COL22A1: variants seen among roughly 807,000 people sequenced by gnomAD.
COL22A1 encodes the protein collagen alpha-1(XXII) chain.
COL22A1 carries 221 observed loss-of-function variants against 248.9 expected under a neutral mutation model. The ratio of observed to expected loss-of-function variants is 0.89; its 90% CI spans 0.80 to 0.99. The LOEUF is 0.99. COL22A1 is among the 50% of genes least tolerant of loss of function. COL22A1 has a pLI of 0.00. For synonymous variants in COL22A1, 891 were observed against 793.4 expected (o/e 1.12, Z -2.07); for missense variants, 2,240 against 2,179.0 (o/e 1.03, Z -0.56).
At chr8:138,877,070 T>C (rs1040860261) in intron 3 of COL22A1, among the ~76,000 whole-genome samples, 29 of 152,060 alleles carry the variant, frequency 1.9e-4, no homozygotes, top group Admixed American at 2.6e-4. Flanking sequence ...AGGTCAGGCT[T>C]CCAGGTCAGA....
intron 3 of COL22A1, among the ~76,000 whole-genome samples, chr8:138,844,518 GAC>G (rs931666883): frequency 6.6e-6 from 1 of 152,174 alleles, no homozygotes; most frequent in Non-Finnish European, 1.5e-5. Context: ...GGGGGTTCAG[GAC>G]ACAGATACAA....
intron 21 of COL22A1, among the ~76,000 whole-genome samples, chr8:138,753,346 C>T (rs1243791179): frequency 6.6e-6 from 1 of 152,168 alleles, no homozygotes; most frequent in Non-Finnish European, 1.5e-5. Context: ...TACTGTTCTT[C>T]TCTTAATAAG....
intron 4 of COL22A1, among the ~76,000 whole-genome samples, chr8:138,836,936 G>A (rs996871110): frequency 3.9e-5 from 6 of 152,216 alleles, no homozygotes; most frequent in Admixed American, 6.5e-5. Flanking sequence ...TGCACACTGG[G>A]CATCTATTAT....
intron 63 of COL22A1, among the ~76,000 whole-genome samples, chr8:138,592,743 C>T (rs1371613173): frequency 6.6e-6 from 1 of 151,446 alleles, no homozygotes; most frequent in East Asian, 1.9e-4. Flanking sequence ...ATCGGTCGGA[C>T]AGGAGTGAAT....
At position 138,716,886 on chromosome 8, in the gene COL22A1, A is replaced by G. The variant is rs758552216; in HGVS notation, c.2356-17T>C. 6.3e-7 allele frequency: 1 copy of G among 1,597,696 alleles called. No homozygotes were observed. The highest frequency in any genetic ancestry group is 1.1e-5 in the South Asian group (1 of 90,760). On this transcript the variant is annotated splice_polypyrimidine_tract_variant and intron_variant, in intron 27 of 64. Transcript: ENST00000303045. ...AATTTCTCCCTGAAAATGCAATAAA[A>G]CATACCCCATTATTCTCCATTCACT... is the stretch of plus-strand genomic sequence containing the variant.
chr8:138,655,496 C>T (rs939880386), intron 45 of COL22A1, among the ~76,000 whole-genome samples: 3 of 152,016 alleles, frequency 2.0e-5, no homozygotes, highest in Admixed American at 2.0e-4. Context: ...GTCGCTGGGA[C>T]CACAGGCACA....
In COL22A1 at chr8:138,649,786, TGG is replaced by T; in HGVS notation, c.3334-10_3334-9del. ...GCAGTCATTGCACACATCCTGAGAG[TGG>T]GGAGAGAGGTGGGGACAAAGAGAGA... is the stretch of plus-strand genomic sequence containing the variant. On this transcript the variant is annotated splice_polypyrimidine_tract_variant and intron_variant, in intron 45 of 64. Transcript: ENST00000303045. 6.5e-7 allele frequency: 1 copy of T among 1,534,874 alleles called. No homozygotes were observed. Among genetic ancestry groups the T allele is most frequent in the Non-Finnish European group, 8.8e-7 (1 of 1,135,456 alleles).
chr8:138,612,020 C>G (rs1057509223), intron 56 of COL22A1, among the ~76,000 whole-genome samples: 2 of 152,174 alleles, frequency 1.3e-5, no homozygotes, highest in African/African-American at 4.8e-5. Context: ...AACATACAAG[C>G]TTTACAAAAG....
intron 23 of COL22A1, among the ~76,000 whole-genome samples, chr8:138,733,083 G>T (rs373126906): frequency 2.6e-5 from 4 of 152,270 alleles, no homozygotes; most frequent in African/African-American, 9.6e-5. Context: ...AGGGGTTTCT[G>T]CACAGAGGCC....
chr8:138,724,965 G>A (rs1214578164), intron 24 of COL22A1, among the ~76,000 whole-genome samples: 1 of 152,228 alleles, frequency 6.6e-6, no homozygotes, highest in Admixed American at 6.5e-5. Flanking sequence ...GTAGGTGGGT[G>A]TGGATTCTCC....
intron 10 of COL22A1, among the ~76,000 whole-genome samples, chr8:138,805,993 GGTGT>G (rs1215810832): frequency 5.1e-4 from 34 of 67,198 alleles, no homozygotes; most frequent in Middle Eastern, 0.02. Context: ...TGTGTGTGAT[GGTGT>G]GTGTGTGTGA....
At chr8:138,716,369 C>G (rs1467762551) in intron 28 of COL22A1, 80 bp from the exon 29 acceptor site, 1 of 959,374 alleles carries the variant, frequency 1.0e-6, no homozygotes, top group East Asian at 2.6e-5. Flanking sequence ...GCTCTCAGTT[C>G]CTGCTCTCCA....
chr8:138,605,341 C>T (rs1375689300), intron 58 of COL22A1, among the ~76,000 whole-genome samples: 1 of 152,198 alleles, frequency 6.6e-6, no homozygotes, highest in Non-Finnish European at 1.5e-5. Flanking sequence ...GAGGGCTGGA[C>T]AAGCACCCCA....
In COL22A1 at chr8:138,715,750, A is replaced by G. The variant is rs369025262; in HGVS notation, c.2464-15T>C. On this transcript the variant is annotated splice_polypyrimidine_tract_variant and intron_variant, in intron 29 of 64. Transcript: ENST00000303045. ...CCTTTTTCTCCCTATAATAAAAGATAAAATTAGAAAACATTAGAACCCAAA... is the reference window on the plus strand; with the variant it reads ...CCTTTTTCTCCCTATAATAAAAGATGAAATTAGAAAACATTAGAACCCAAA... The G allele has an allele frequency of 1.6e-5, 26 of 1,595,834 alleles. No homozygotes were observed. Among genetic ancestry groups the G allele is most frequent in the Non-Finnish European group, 2.2e-5 (26 of 1,166,652 alleles).
At chr8:138,677,474 G>A (rs1221072218) in intron 40 of COL22A1, among the ~76,000 whole-genome samples, 1 of 107,804 alleles carries the variant, frequency 9.3e-6, no homozygotes, top group African/African-American at 4.1e-5. Flanking sequence ...AAGAAATTTT[G>A]TTTGCCATTT....
chr8:138,773,045 A>G (rs1586707917), intron 16 of COL22A1, among the ~76,000 whole-genome samples: 1 of 152,328 alleles, frequency 6.6e-6, no homozygotes, highest in East Asian at 1.9e-4. Context: ...CAGTTAAAAA[A>G]TATATATTCT....
rs755076206 is a variant in COL22A1, at chr8:138,630,675, C to T, written c.3663+20G>A. 2 of 1,610,290 alleles carry T rather than the reference C, an allele frequency of 1.2e-6. No homozygotes were observed. Among genetic ancestry groups the T allele is most frequent in the Non-Finnish European group, 1.7e-6 (2 of 1,176,668 alleles). Reference sequence around the variant, plus strand: ...GCTAAAGACAGATTAAAAACAGATCCCATTCCTTGAGGAACTTACAGGTGA... The same window carrying T: ...GCTAAAGACAGATTAAAAACAGATCTCATTCCTTGAGGAACTTACAGGTGA... On this transcript the variant is annotated intron_variant, in intron 50 of 64. Transcript: ENST00000303045.
Position 138,821,233 on chromosome 8 carries a change from GCA to G in COL22A1, c.1146_1147del (p.Leu384GlyfsTer13), listed in dbSNP as rs755447763. 1.2e-6 allele frequency: 2 copies of G among 1,614,068 alleles called. No homozygotes were observed. The highest frequency in any genetic ancestry group is 1.3e-5 in the African/African-American group (1 of 74,916). ...CTCGATGGGTAGTGTCTGCACCAGC[GCA>G]CAGTCAATGTGCAGGGAGACGTTCT... On this transcript the variant is annotated frameshift_variant, in exon 7 of 65. Transcript: ENST00000303045. LOFTEE classifies it high-confidence loss of function.
At chr8:138,870,493 G>A (rs370132489) in intron 3 of COL22A1, among the ~76,000 whole-genome samples, 15 of 151,446 alleles carry the variant, frequency 9.9e-5, no homozygotes, top group East Asian at 2.0e-4. Context: ...GTGTGTGCAC[G>A]TGGGGAGTGT....
Sources: gnomAD v4.1 joint callset for allele counts (sites outside exome capture counted in the v4.1 genomes callset) on GRCh38, gnomAD v4.1.1 for gene constraint, MANE v1.5 for transcripts, NCBI Gene and HGNC (gene_info 2026-07-23, HGNC 2026-07-21) for gene names.